Variants in SNX3 observed in about 807,000 individuals in gnomAD.
SNX3 encodes the protein sorting nexin-3.
Under a neutral mutation model 17.7 loss-of-function variants are expected in SNX3, and 5 were observed. That is an observed-to-expected ratio of 0.28 (90% CI 0.15 to 0.59). The LOEUF (loss-of-function observed/expected upper bound fraction) is 0.59, where lower values mean the gene tolerates loss of function less well. Ranked by LOEUF, SNX3 falls within the 20% of genes least tolerant of loss-of-function variation. SNX3 has a pLI of 0.88. For missense variants in SNX3, 132 were observed against 206.8 expected (o/e 0.64, Z 2.22); for synonymous variants, 91 against 76.5 (o/e 1.19, Z -0.99).
At position 108,231,962 on chromosome 6, in the gene SNX3, G is replaced by C. The variant is rs180911293; in HGVS notation, c.163-8917C>G. ...TTAAACAAGGGTTTATAGTCTACTT[G>C]GATATTTGTACTCTTCTGGAGAAAT... is the stretch of plus-strand genomic sequence containing the variant. On this transcript the variant is annotated intron_variant, in intron 1 of 3. Transcript: ENST00000230085. Among the ~76,000 whole-genome samples the C allele has an allele frequency of 9.8e-3, 1,494 of 152,256 alleles. 32 individuals carry two copies. Among genetic ancestry groups the C allele is most frequent in the Middle Eastern group, 0.054 (16 of 294 alleles).
intron 1 of SNX3, among the ~76,000 whole-genome samples, chr6:108,226,854 T>C (rs188058506): frequency 2.0e-5 from 3 of 152,238 alleles, no homozygotes; most frequent in African/African-American, 7.2e-5. Flanking sequence ...AGTGTATAGG[T>C]TTCAAGCATG....
chr6:108,247,382 G>T (rs957404975), intron 1 of SNX3, among the ~76,000 whole-genome samples: 5 of 151,642 alleles, frequency 3.3e-5, no homozygotes, highest in African/African-American at 1.2e-4. Context: ...TGTATTTTTT[G>T]AGTGTGACCG....
intron 1 of SNX3, among the ~76,000 whole-genome samples, chr6:108,254,689 G>A (rs1291804307): frequency 1.3e-5 from 2 of 152,140 alleles, no homozygotes; most frequent in Non-Finnish European, 2.9e-5. Context: ...GGAAGCCAAA[G>A]ACAAGCAAAC....
chr6:108,223,195 A>G (rs1197791115), intron 1 of SNX3, 150 bp from the exon 2 acceptor site: 1 of 585,386 alleles, frequency 1.7e-6, no homozygotes, highest in African/African-American at 1.9e-5. Context: ...CTGGAGTGCA[A>G]TGGCACGATC....
intron 1 of SNX3, among the ~76,000 whole-genome samples, chr6:108,241,652 T>C (rs570011304): frequency 6.6e-6 from 1 of 151,660 alleles, no homozygotes; most frequent in Non-Finnish European, 1.5e-5. Context: ...CACCACCTCA[T>C]ACTACAGACT....
intron 1 of SNX3, among the ~76,000 whole-genome samples, chr6:108,260,298 C>T (rs900435689): frequency 2.6e-5 from 4 of 152,216 alleles, no homozygotes; most frequent in Non-Finnish European, 5.9e-5. Context: ...ACCCAGGTTA[C>T]TTTAGCAGCT....
At chr6:108,237,824 G>A (rs1775396065) in intron 1 of SNX3, among the ~76,000 whole-genome samples, 1 of 151,506 alleles carries the variant, frequency 6.6e-6, no homozygotes, top group South Asian at 2.1e-4. Flanking sequence ...TGGGCTGGGT[G>A]TAGTGGCTTG....
chr6:108,255,197 C>T (rs1026235304), intron 1 of SNX3, among the ~76,000 whole-genome samples: 1 of 152,216 alleles, frequency 6.6e-6, no homozygotes, highest in African/African-American at 2.4e-5. Flanking sequence ...ATCTTCACTG[C>T]TAATAGCATG....
At chr6:108,236,863 T>C (rs1222522511) in intron 1 of SNX3, among the ~76,000 whole-genome samples, 4 of 152,198 alleles carry the variant, frequency 2.6e-5, no homozygotes, top group Non-Finnish European at 5.9e-5. Flanking sequence ...TAACAGCAAC[T>C]AGACATCATG....
At chr6:108,252,989 G>A (rs1347083431) in intron 1 of SNX3, among the ~76,000 whole-genome samples, 1 of 152,094 alleles carries the variant, frequency 6.6e-6, no homozygotes, top group East Asian at 1.9e-4. Flanking sequence ...GATTTTTTTG[G>A]ACACCATCTT....
At chr6:108,236,389 T>A (rs866473738) in intron 1 of SNX3, among the ~76,000 whole-genome samples, 7,410 of 142,826 alleles carry the variant, frequency 0.052, 473 homozygotes, top group African/African-American at 0.15. Flanking sequence ...TTTTTTTTTT[T>A]TTTTTTTTTT....
In SNX3 at chr6:108,211,622, C is replaced by A. The variant is rs1474065933; in HGVS notation, c.*527G>T. 1 of 152,558 alleles carries A rather than the reference C, an allele frequency of 6.6e-6. No individual in the cohort carries two copies. Among genetic ancestry groups the A allele is most frequent in the African/African-American group, 2.4e-5 (1 of 41,412 alleles). 9.5% of individuals were successfully genotyped at this position (152,558 alleles called of 1,614,324 possible). A position where few individuals can be genotyped will look rare whatever the true frequency, so the allele number is the denominator to read the frequency against. ...GTTTTTATACAGAATATAAAGATTT[C>A]CCTCATTAATCTTCCATGTGAAGGG... On this transcript the variant is annotated 3_prime_UTR_variant, in exon 4 of 4. Coordinates refer to ENST00000230085, the MANE Select transcript of SNX3 (RefSeq NM_003795.6).
At chr6:108,245,407 G>A (rs1485985513) in intron 1 of SNX3, among the ~76,000 whole-genome samples, 1 of 152,136 alleles carries the variant, frequency 6.6e-6, no homozygotes, top group Non-Finnish European at 1.5e-5. Context: ...AAATAGTGCT[G>A]CAATAAACAT....
At chr6:108,219,347 T>C (rs889389482) in intron 2 of SNX3, among the ~76,000 whole-genome samples, 15 of 152,226 alleles carry the variant, frequency 9.9e-5, no homozygotes, top group Admixed American at 5.2e-4. Flanking sequence ...GGCTCATGCC[T>C]GTAATCCCAG....
In SNX3 at chr6:108,212,399, G is replaced by T. The variant is rs1476492389; in HGVS notation, c.384-145C>A. 1.2e-4 allele frequency: 69 copies of T among 571,702 alleles called. 1 individual carries two copies. In the South Asian group the frequency reaches 1.3e-3, roughly 11 times the overall value. The allele number at this position is 571,702 out of a possible 1,614,324, so 35.4% of individuals were successfully genotyped here. ...CTGTTGCACAGGCTGGAGTGCAGTG[G>T]CTGATCTTGGCTCATGGCAACCTCC... On this transcript the variant is annotated intron_variant, in intron 3 of 3. Transcript: ENST00000230085.
intron 1 of SNX3, among the ~76,000 whole-genome samples, chr6:108,229,221 C>T (rs1001082498): frequency 1.4e-5 from 2 of 142,794 alleles, no homozygotes; most frequent in Non-Finnish European, 3.0e-5. Flanking sequence ...GATCATGCCA[C>T]TGCACTCCAG....
intron 2 of SNX3, chr6:108,222,184 A>G (rs1443573077): frequency 3.1e-6 from 4 of 1,298,566 alleles, no homozygotes; most frequent in Non-Finnish European, 4.1e-6. Context: ...AGTACAGACT[A>G]GCCTTCATCT....
At chr6:108,254,240 G>A (rs1775966047) in intron 1 of SNX3, among the ~76,000 whole-genome samples, 1 of 151,922 alleles carries the variant, frequency 6.6e-6, no homozygotes, top group Admixed American at 6.6e-5. Context: ...AGGGCTCTGG[G>A]CAACCATGGT....
At chr6:108,233,058 G>T (rs1404335217) in intron 1 of SNX3, among the ~76,000 whole-genome samples, 1 of 152,168 alleles carries the variant, frequency 6.6e-6, no homozygotes, top group East Asian at 1.9e-4. Flanking sequence ...TATTTTAAAA[G>T]AAGTATCCTT....
Sources: allele counts gnomAD v4.1 joint callset (sites outside exome capture counted in the v4.1 genomes callset), GRCh38; gene constraint gnomAD v4.1.1; transcripts MANE v1.5; gene names NCBI Gene and HGNC (gene_info 2026-07-23, HGNC 2026-07-21).